NDST4: variants seen among roughly 807,000 people sequenced by gnomAD.
The protein encoded by NDST4 is N-deacetylase and N-sulfotransferase 4, also known as N-heparan sulfate sulfotransferase 4.
A neutral mutation model predicts 100.8 loss-of-function variants in NDST4; 63 were observed. The observed-to-expected ratio is 0.62, with a 90% CI of 0.51 to 0.77. The LOEUF (loss-of-function observed/expected upper bound fraction) is 0.77. Ranked by LOEUF, NDST4 falls within the 30% of genes least tolerant of loss-of-function variation. NDST4 has a pLI of 0.00. For missense variants in NDST4, 943 were observed against 1,018.4 expected, an observed-to-expected ratio of 0.93 and a Z score of 1.01; for synonymous variants, 377 against 361.8, an observed-to-expected ratio of 1.04 and a Z score of -0.48.
intron 12 of NDST4, among the ~76,000 whole-genome samples, chr4:114,832,209 ACTT>A (rs761841568): frequency 1.3e-5 from 2 of 152,216 alleles, no homozygotes; most frequent in Non-Finnish European, 2.9e-5. Flanking sequence ...AGCTTCGTTT[ACTT>A]AATTAACAGG....
intron 4 of NDST4, among the ~76,000 whole-genome samples, chr4:114,964,046 T>A: frequency 6.6e-6 from 1 of 152,176 alleles, no homozygotes; most frequent in Non-Finnish European, 1.5e-5. Context: ...TTGCTTCTGA[T>A]ATTTATATAA....
chr4:114,995,436 C>A (rs1271515752), intron 2 of NDST4, among the ~76,000 whole-genome samples: 1 of 152,020 alleles, frequency 6.6e-6, no homozygotes, highest in African/African-American at 2.4e-5. Flanking sequence ...ATTTTGACAT[C>A]TCTTTTGTAG....
chr4:115,059,254 A>G (rs2126282589), intron 2 of NDST4, among the ~76,000 whole-genome samples: 1 of 152,194 alleles, frequency 6.6e-6, no homozygotes, highest in African/African-American at 2.4e-5. Flanking sequence ...TGGAAGGGAC[A>G]TTAAGTTAGG....
In NDST4 at chr4:115,076,968, C is replaced by G. The variant is rs199616045; in HGVS notation, c.69G>C (p.Leu23Phe). 271 of 1,613,174 alleles carry G rather than the reference C, an allele frequency of 1.7e-4. No individual in the cohort carries two copies. Among genetic ancestry groups the G allele is most frequent in the Non-Finnish European group, 2.2e-4 (263 of 1,179,616 alleles). ...TLIVLLATFC[L>F]VSIVISAYFL... Reference sequence around the variant, plus strand: ...AATAGGCAGAAATGACAATGCTCACCAAGCAAAAGGTAGCTAAGAGAACAA... The same window carrying G: ...AATAGGCAGAAATGACAATGCTCACGAAGCAAAAGGTAGCTAAGAGAACAA... Residue 23 changes from leucine to phenylalanine, a missense_variant, in exon 2 of 14, where the codon TTG (leucine) becomes TTC (phenylalanine). This residue lies in a region of NDST4 where 417 missense variants were observed against 384.2 expected (regional missense o/e 1.09). Transcript: ENST00000264363.
intron 2 of NDST4, among the ~76,000 whole-genome samples, chr4:115,036,759 G>C (rs1728240860): frequency 6.6e-6 from 1 of 151,548 alleles, no homozygotes; most frequent in South Asian, 2.1e-4. Context: ...CTCAAAGTAT[G>C]GTCTTAAACA....
chr4:114,874,750 T>C lies in NDST4; in HGVS notation c.1537-3800A>G, dbSNP rs112286247. ...AAGACAAATTAAAAATGGATGTTGT[T>C]GAGGTATAAATAAGAGAATTCAAAA... On this transcript the variant is annotated intron_variant, in intron 6 of 13. Coordinates refer to ENST00000264363, the MANE Select transcript of NDST4 (RefSeq NM_022569.3). Among the ~76,000 whole-genome samples the C allele has an allele frequency of 1.8e-3, 269 of 152,278 alleles. 1 individual carries two copies. Among genetic ancestry groups the C allele is most frequent in the African/African-American group, 5.9e-3 (244 of 41,574 alleles).
chr4:115,045,882 G>A (rs1342945413), intron 2 of NDST4, among the ~76,000 whole-genome samples: 1 of 152,136 alleles, frequency 6.6e-6, no homozygotes. Flanking sequence ...ACACATTGGG[G>A]TGACTACTAA....
chr4:115,034,359 A>G (rs1001349431), intron 2 of NDST4, among the ~76,000 whole-genome samples: 8 of 151,922 alleles, frequency 5.3e-5, no homozygotes, highest in Non-Finnish European at 1.2e-4. Flanking sequence ...TGACCAGTAC[A>G]TTGCCATTGA....
chr4:114,991,046 C>A (rs1001836392), intron 2 of NDST4, among the ~76,000 whole-genome samples: 2 of 151,816 alleles, frequency 1.3e-5, no homozygotes, highest in Non-Finnish European at 2.9e-5. Context: ...GGTCAAAACA[C>A]CTCTGGCGAA....
intron 10 of NDST4, 60 bp from the exon 11 acceptor site, chr4:114,839,608 T>C: frequency 6.6e-7 from 1 of 1,517,796 alleles, no homozygotes; most frequent in South Asian, 1.2e-5. Context: ...TAGATATGCA[T>C]ATGTGTATGG....
chr4:114,867,646 T>TAAAAAAAAAAAAAAAAGC (rs1724055656), intron 7 of NDST4, among the ~76,000 whole-genome samples: 2 of 26,780 alleles, frequency 7.5e-5, no homozygotes, highest in East Asian at 1.7e-3. Flanking sequence ...ATGAGAATTA[T>TAAAAAAAAAAAAAAAAGC]AAAAAAAAAA....
chr4:114,853,085 C>G (rs1723713737), intron 7 of NDST4, among the ~76,000 whole-genome samples: 1 of 152,106 alleles, frequency 6.6e-6, no homozygotes, highest in South Asian at 2.1e-4. Flanking sequence ...TGTGATACTA[C>G]TCTATTTCTT....
chr4:115,046,301 T>G (rs1042646473), intron 2 of NDST4, among the ~76,000 whole-genome samples: 1 of 152,150 alleles, frequency 6.6e-6, no homozygotes, highest in African/African-American at 2.4e-5. Context: ...AGATTCTACC[T>G]CTAGAGAAGG....
At chr4:114,859,380 G>C (rs1310650204) in intron 7 of NDST4, among the ~76,000 whole-genome samples, 1 of 152,194 alleles carries the variant, frequency 6.6e-6, no homozygotes, top group African/African-American at 2.4e-5. Context: ...TTGTGTTATA[G>C]TTTCTCAAAA....
At chr4:115,055,510 TA>T (rs1728675242) in intron 2 of NDST4, among the ~76,000 whole-genome samples, 1 of 152,096 alleles carries the variant, frequency 6.6e-6, no homozygotes, top group South Asian at 2.1e-4. Flanking sequence ...CTGATATGTA[TA>T]AATCATTTTG....
chr4:115,001,051 A>G (rs1727279453), intron 2 of NDST4, among the ~76,000 whole-genome samples: 1 of 152,078 alleles, frequency 6.6e-6, no homozygotes, highest in Non-Finnish European at 1.5e-5. Context: ...CATCTCCCTC[A>G]AAGACCTCAA....
rs200488467 is a variant in NDST4 at position 114,946,464 on chromosome 4, A to G, written c.1222-8961T>C. On this transcript the variant is annotated intron_variant, in intron 4 of 13. Coordinates refer to ENST00000264363, the MANE Select transcript of NDST4 (RefSeq NM_022569.3). ...GGGTACGGGTTGCAAAATTAAATAG[A>G]TCACTCAGCCATGGTTTAATGGAGA... 6.6e-5 allele frequency among the ~76,000 whole-genome samples: 10 copies of G among 152,304 alleles called. No individual in the cohort carries two copies. The South Asian group carries it at 1.0e-3, about 16-fold the overall frequency.
chr4:114,945,208 C>CAAAAAAAAAAAAAAAAAAAAAAAAAAA (rs1173970826), intron 4 of NDST4, among the ~76,000 whole-genome samples: 1 of 53,766 alleles, frequency 1.9e-5, no homozygotes, highest in African/African-American at 6.7e-5. Flanking sequence ...AACTCCGTCT[C>CAAAAAAAAAAAAAAAAAAAAAAAAAAA]AAAAAAAAAA....
intron 2 of NDST4, among the ~76,000 whole-genome samples, chr4:114,988,041 T>C (rs1726950703): frequency 6.6e-6 from 1 of 152,210 alleles, no homozygotes; most frequent in South Asian, 2.1e-4. Context: ...AAAGGAGTGT[T>C]TTTCCATTAT....
Sources: gnomAD v4.1 joint callset for allele counts (sites outside exome capture counted in the v4.1 genomes callset) on GRCh38, gnomAD v4.1.1 for gene constraint, gnomAD v4.1.1 regional missense constraint, MANE v1.5 for transcripts, NCBI Gene and HGNC (gene_info 2026-07-23, HGNC 2026-07-21) for gene names.